EPC2: variants seen among roughly 807,000 people sequenced by gnomAD.
EPC2 encodes enhancer of polycomb homolog 2.
EPC2 carries 14 observed loss-of-function variants against 92.1 expected under a neutral mutation model. The ratio of observed to expected loss-of-function variants is 0.15; its 90% CI spans 0.10 to 0.24. The LOEUF is 0.24. Among genes scored for constraint, EPC2 ranks in the 10% least tolerant of loss-of-function variants. EPC2 has a pLI of 1.00. For synonymous variants in EPC2, 340 were observed against 334.7 expected (o/e 1.02, Z -0.17); for missense variants, 755 against 971.5 (o/e 0.78, Z 2.96).
intron 2 of EPC2, chr2:148,691,716 G>C (rs746596363): frequency 4.1e-5 from 48 of 1,161,582 alleles, no homozygotes; most frequent in Admixed American, 2.0e-4. Flanking sequence ...CTTTAATTTA[G>C]GCTGCAGATC....
chr2:148,660,879 G>C (rs1050587454), intron 1 of EPC2, among the ~76,000 whole-genome samples: 2 of 150,976 alleles, frequency 1.3e-5, no homozygotes, highest in Admixed American at 6.6e-5. Context: ...TTTTCCTTCA[G>C]AATTTTTTTT....
intron 4 of EPC2, among the ~76,000 whole-genome samples, chr2:148,759,454 A>G (rs1393676683): frequency 1.3e-5 from 2 of 152,186 alleles, no homozygotes; most frequent in East Asian, 3.8e-4. Flanking sequence ...CAGTAACTAT[A>G]TTTTTTGCTG....
chr2:148,704,236 A>C (rs909510432), intron 2 of EPC2, among the ~76,000 whole-genome samples: 1 of 152,260 alleles, frequency 6.6e-6, no homozygotes, highest in Non-Finnish European at 1.5e-5. Flanking sequence ...GCAGTGACAC[A>C]TGGTTACAAT....
chr2:148,771,080 A>G lies in EPC2; in HGVS notation c.1413A>G (p.Pro471=). 1 of 1,611,958 alleles carries G rather than the reference A, an allele frequency of 6.2e-7. No individual in the cohort carries two copies. Among genetic ancestry groups the G allele is most frequent in the Non-Finnish European group, 8.5e-7 (1 of 1,178,926 alleles). ...IMDRISTEHD[P]VLKQIDPEML... ...ACCGAATATCCACAGAACATGACCCAGTCCTGAAACAGATAGACCCTGAAA... is the reference window on the plus strand; with the variant it reads ...ACCGAATATCCACAGAACATGACCCGGTCCTGAAACAGATAGACCCTGAAA... Residue 471 remains proline, a synonymous_variant, in exon 10 of 14, where the codon CCA becomes CCG. Coordinates refer to ENST00000258484, the MANE Select transcript of EPC2 (RefSeq NM_015630.4).
chr2:148,714,522 CCCA>C (rs1234033769), intron 2 of EPC2, among the ~76,000 whole-genome samples: 15 of 152,212 alleles, frequency 9.9e-5, no homozygotes, highest in African/African-American at 3.6e-4. Context: ...AATTTACACT[CCCA>C]CCAACAGTGT....
chr2:148,770,689 T>A, intron 8 of EPC2, 103 bp from the exon 9 acceptor site: 1 of 1,210,078 alleles, frequency 8.3e-7, no homozygotes, highest in Non-Finnish European at 1.1e-6. Context: ...TTTTAATTGT[T>A]CTGCTAATGT....
Position 148,785,012 on chromosome 2 carries a change from G to T in EPC2, c.2351+11G>T. ...CAGCAGCATAGCAAGGTGTGTGTGTGTGTTTCAGTGATTTTTCTCCCTTTG... is the reference window on the plus strand; with the variant it reads ...CAGCAGCATAGCAAGGTGTGTGTGTTTGTTTCAGTGATTTTTCTCCCTTTG... On this transcript the variant is annotated intron_variant, in intron 13 of 13. Transcript: ENST00000258484. 1 of 1,476,134 alleles carries T rather than the reference G, an allele frequency of 6.8e-7. No homozygotes were observed. The highest frequency in any genetic ancestry group is 1.4e-5 in the African/African-American group (1 of 70,510). 91.4% of individuals were successfully genotyped at this position (1,476,134 alleles called of 1,614,324 possible). A position where few individuals can be genotyped will look rare whatever the true frequency, so the allele number is the denominator to read the frequency against.
intron 2 of EPC2, among the ~76,000 whole-genome samples, chr2:148,731,823 G>A (rs1682637636): frequency 1.3e-5 from 2 of 152,162 alleles, no homozygotes; most frequent in Non-Finnish European, 2.9e-5. Flanking sequence ...AAATGTATAA[G>A]TCTAACAAAA....
At chr2:148,693,454 AT>A (rs1396129556) in intron 2 of EPC2, among the ~76,000 whole-genome samples, 1 of 152,126 alleles carries the variant, frequency 6.6e-6, no homozygotes, top group East Asian at 1.9e-4. Context: ...ATAGGATAAA[AT>A]TTTTAACATC....
At chr2:148,749,418 A>G (rs1683045280) in intron 3 of EPC2, among the ~76,000 whole-genome samples, 1 of 151,964 alleles carries the variant, frequency 6.6e-6, no homozygotes, top group Admixed American at 6.6e-5. Context: ...CTCAACCTTC[A>G]TTGTACTTAG....
At chr2:148,744,995 C>CA (rs917367590) in intron 3 of EPC2, among the ~76,000 whole-genome samples, 1 of 118,500 alleles carries the variant, frequency 8.4e-6, no homozygotes, top group East Asian at 2.4e-4. Flanking sequence ...GTTTGCCCCC[C>CA]CCCCCCGCAC....
chr2:148,662,381 G>A (rs545314138), intron 1 of EPC2, among the ~76,000 whole-genome samples: 16 of 152,194 alleles, frequency 1.1e-4, no homozygotes, highest in South Asian at 8.3e-4. Flanking sequence ...TGTTTATTGC[G>A]GCACTTTTCA....
chr2:148,650,798 C>T (rs1014619485), intron 1 of EPC2, among the ~76,000 whole-genome samples: 3 of 151,224 alleles, frequency 2.0e-5, no homozygotes, highest in African/African-American at 7.2e-5. Flanking sequence ...TGAAGCATTT[C>T]TTCTTCTAAC....
intron 10 of EPC2, among the ~76,000 whole-genome samples, chr2:148,779,003 A>G (rs910002599): frequency 6.6e-6 from 1 of 152,238 alleles, no homozygotes; most frequent in Non-Finnish European, 1.5e-5. Context: ...AAAAAGGTTA[A>G]GAAACACTGA....
intron 2 of EPC2, among the ~76,000 whole-genome samples, chr2:148,742,193 A>G (rs1574616767): frequency 6.6e-6 from 1 of 152,288 alleles, no homozygotes; most frequent in East Asian, 1.9e-4. Context: ...CTGTGTACAT[A>G]TCTTTGTTTC....
At chr2:148,719,318 A>G (rs1682322488) in intron 2 of EPC2, among the ~76,000 whole-genome samples, 1 of 151,266 alleles carries the variant, frequency 6.6e-6, no homozygotes, top group Non-Finnish European at 1.5e-5. Context: ...GGAAAAGGAC[A>G]CTCTGGCTTT....
intron 5 of EPC2, among the ~76,000 whole-genome samples, 150 bp from the exon 6 acceptor site, chr2:148,762,516 GTTTC>G (rs1160733651): frequency 6.6e-6 from 1 of 151,848 alleles, no homozygotes; most frequent in Non-Finnish European, 1.5e-5. Flanking sequence ...CCAAATCCCT[GTTTC>G]TTTATTCCTG....
chr2:148,660,207 A>G (rs1180459122), intron 1 of EPC2, among the ~76,000 whole-genome samples: 1 of 152,150 alleles, frequency 6.6e-6, no homozygotes, highest in Admixed American at 6.6e-5. Flanking sequence ...AGAGAGAAAG[A>G]GAAAGAGAGG....
chr2:148,775,570 C>T (rs1290567817), intron 10 of EPC2, among the ~76,000 whole-genome samples: 1 of 128,722 alleles, frequency 7.8e-6, no homozygotes, highest in Non-Finnish European at 1.6e-5. Flanking sequence ...ATACCAGCAG[C>T]CTTTCTGACC....
Sources: gnomAD v4.1 joint callset for allele counts (sites outside exome capture counted in the v4.1 genomes callset) on GRCh38, gnomAD v4.1.1 for gene constraint, MANE v1.5 for transcripts, NCBI Gene and HGNC (gene_info 2026-07-23, HGNC 2026-07-21) for gene names.